Variants in BICD2 observed in about 807,000 individuals in gnomAD.
The protein encoded by BICD2 is BICD cargo adaptor 2.
BICD2 carries 25 observed loss-of-function variants against 72.9 expected under a neutral mutation model. The ratio of observed to expected loss-of-function variants is 0.34; its 90% confidence interval spans 0.25 to 0.48. The LOEUF (loss-of-function observed/expected upper bound fraction) is 0.48. BICD2 is among the 20% of genes least tolerant of loss of function. BICD2 has a pLI of 0.99. For synonymous variants in BICD2, 501 were observed against 516.1 expected (o/e 0.97, Z 0.40); for missense variants, 894 against 1,175.2 (o/e 0.76, Z 3.50).
Position 92,713,383 on chromosome 9 carries a change from T to G in BICD2, c.*1771A>C. On this transcript the variant is annotated 3_prime_UTR_variant, in exon 7 of 7. Coordinates refer to ENST00000356884, the MANE Select transcript of BICD2 (RefSeq NM_001003800.2). ...TTAGGTTGCCCTTCCTTCCTCCTTGTGGGCCACGAGAGGGAAGGGGAAGGG... is the reference window on the plus strand; with the variant it reads ...TTAGGTTGCCCTTCCTTCCTCCTTGGGGGCCACGAGAGGGAAGGGGAAGGG... 6.6e-7 allele frequency: 1 copy of G among 1,508,648 alleles called. No individual in the cohort carries two copies. Among genetic ancestry groups the G allele is most frequent in the Non-Finnish European group, 9.0e-7 (1 of 1,105,694 alleles). The allele number at this position is 1,508,648 out of a possible 1,614,324, so 93.5% of individuals were successfully genotyped here.
chr9:92,719,221 T>G lies in BICD2; in HGVS notation c.1424A>C (p.Glu475Ala). The change falls in exon 5 of 7, where the codon GAG becomes GCG. Residue 475 changes from glutamate to alanine, a missense_variant. Coordinates refer to ENST00000356884, the MANE Select transcript of BICD2 (RefSeq NM_001003800.2). ...CTCCGTGAGTGCCTGGCCCTCAGCC[T>G]CATAGCGGCCCTTCTCCTCGGCGTG... ...AQHAEEKGRYEAEGQALTEKV... is the reference protein window; with the variant it reads ...AQHAEEKGRYAAEGQALTEKV... 6.2e-7 allele frequency: 1 copy of G among 1,611,594 alleles called. No homozygotes were observed. Among genetic ancestry groups the G allele is most frequent in the Non-Finnish European group, 8.5e-7 (1 of 1,179,978 alleles).
chr9:92,713,464 GA>G lies in BICD2; in HGVS notation c.*1689del. ...TCCTCCTGGCAGCTACTCTACAGCT[GA>G]AAACGGGAGAAAAGAGAGCGTTAGA... On this transcript the variant is annotated 3_prime_UTR_variant, in exon 7 of 7. Transcript: ENST00000356884. 6.3e-7 allele frequency: 1 copy of G among 1,589,834 alleles called. No homozygotes were observed. Among genetic ancestry groups the G allele is most frequent in the Non-Finnish European group, 8.6e-7 (1 of 1,167,102 alleles).
intron 1 of BICD2, among the ~76,000 whole-genome samples, chr9:92,758,017 A>G (rs1434355970): frequency 6.6e-6 from 1 of 151,840 alleles, no homozygotes; most frequent in Non-Finnish European, 1.5e-5. Context: ...CAGTCTGACC[A>G]ACATGGTGAA....
Position 92,718,837 on chromosome 9 carries a change from C to T in BICD2, c.1808G>A (p.Gly603Glu). The T allele has an allele frequency of 1.9e-6, 3 of 1,609,848 alleles. No homozygotes were observed. Among genetic ancestry groups the T allele is most frequent in the Non-Finnish European group, 2.5e-6 (3 of 1,178,724 alleles). ...GGAGCCAGGCGAGGGGCTGCTGTCC[C>T]CCGTCCCACCATCTGCTCGGCCCGC... ...PEAGRADGGT[G>E]DSSPSPGSSL... The change falls in exon 5 of 7, where the codon GGG (glycine) becomes GAG (glutamate). Residue 603 changes from glycine (G) to glutamate (E), a missense_variant. By Grantham distance (98) the Gly-to-Glu change is moderately conservative. This residue lies in a region of BICD2 where 321 missense variants were observed against 443.9 expected (regional missense o/e 0.72). Transcript: ENST00000356884.
rs915409578 is a variant in BICD2, at chr9:92,757,706, C to CA, written c.240+6798dup. ...TGGGTGACAGAGTGAGACTCCATCTCAAAAAAAAAAAGAAAAGATTCTATT... is the reference window on the plus strand; with the variant it reads ...TGGGTGACAGAGTGAGACTCCATCTCAAAAAAAAAAAAGAAAAGATTCTATT... On this transcript the variant is annotated intron_variant, in intron 1 of 6. Transcript: ENST00000356884. 9.8e-3 allele frequency among the ~76,000 whole-genome samples: 1,302 copies of CA among 133,536 alleles called. 15 individuals carry two copies. The highest frequency in any genetic ancestry group is 0.03 in the African/African-American group (1,092 of 36,164). The allele number at this position is 133,536 out of a possible 152,430, so 87.6% of individuals were successfully genotyped here.
rs1035501584 is a variant in BICD2, at chr9:92,720,865, A to T, written c.607-110T>A. 3 of 1,173,622 alleles carry T rather than the reference A, an allele frequency of 2.6e-6. No individual in the cohort carries two copies. The highest frequency in any genetic ancestry group is 3.5e-6 in the Non-Finnish European group (3 of 850,032). The allele number at this position is 1,173,622 out of a possible 1,614,324, so 72.7% of individuals were successfully genotyped here. On this transcript the variant is annotated intron_variant, in intron 3 of 6. Transcript: ENST00000356884. The surrounding 1 kb of genome is among the most constrained non-coding windows in gnomAD (Gnocchi z 5.4). ...ACCAACTCCGGCCACTATGAAGCAA[A>T]AGATGAAGCGCCAGGTGAGGTGCCA... is the stretch of plus-strand genomic sequence containing the variant.
intron 2 of BICD2, among the ~76,000 whole-genome samples, chr9:92,724,182 C>G (rs535833641): frequency 2.0e-5 from 3 of 152,206 alleles, no homozygotes; most frequent in Admixed American, 6.5e-5. Context: ...GTCCATCTTG[C>G]GGGCCCCATA....
intron 1 of BICD2, among the ~76,000 whole-genome samples, chr9:92,762,108 A>T (rs1854385075): frequency 1.3e-5 from 2 of 152,230 alleles, no homozygotes; most frequent in African/African-American, 4.8e-5. Flanking sequence ...CTCCATTTGG[A>T]GCACAATTTA....
intron 1 of BICD2, among the ~76,000 whole-genome samples, chr9:92,729,786 C>T (rs1853643386): frequency 6.6e-6 from 1 of 152,264 alleles, no homozygotes; most frequent in Non-Finnish European, 1.5e-5. Context: ...GTACCACCCA[C>T]TCTGCCCAGT....
chr9:92,741,339 G>C (rs1401855998), intron 1 of BICD2, among the ~76,000 whole-genome samples: 2 of 152,164 alleles, frequency 1.3e-5, no homozygotes, highest in African/African-American at 4.8e-5. Context: ...CCTTGCCCAG[G>C]AACATAAAAC....
chr9:92,747,998 GCATATGTATGAATATGTATGC>G (rs1176193467), intron 1 of BICD2, among the ~76,000 whole-genome samples: 4 of 152,216 alleles, frequency 2.6e-5, no homozygotes, highest in African/African-American at 4.8e-5. Flanking sequence ...GAATATGGCT[GCATATGTATGAATATGTATGC>G]CATATGTATG....
At chr9:92,761,495 T>C (rs1162863436) in intron 1 of BICD2, among the ~76,000 whole-genome samples, 1 of 152,160 alleles carries the variant, frequency 6.6e-6, no homozygotes, top group Non-Finnish European at 1.5e-5. Context: ...CCAGACCTCC[T>C]CTCTGAGCCT....
At chr9:92,750,636 G>C (rs1854127314) in intron 1 of BICD2, among the ~76,000 whole-genome samples, 1 of 152,104 alleles carries the variant, frequency 6.6e-6, no homozygotes, top group Admixed American at 6.5e-5. Flanking sequence ...GTTGACGGGG[G>C]TGGATTTAAA....
intron 1 of BICD2, among the ~76,000 whole-genome samples, chr9:92,751,110 C>A (rs1854138717): frequency 6.7e-6 from 1 of 149,420 alleles, no homozygotes; most frequent in Non-Finnish European, 1.5e-5. Context: ...GAGGTTTCAC[C>A]ATGTTGGCCA....
rs1587665191 is a variant in BICD2 at position 92,714,320 on chromosome 9, T to G, written c.*834A>C. ...AAGGCCGGATAATTGGCTGCTGGGGTCACCCCAAGTACAAAAGGACGGGCT... is the reference window on the plus strand; with the variant it reads ...AAGGCCGGATAATTGGCTGCTGGGGGCACCCCAAGTACAAAAGGACGGGCT... On this transcript the variant is annotated 3_prime_UTR_variant, in exon 7 of 7. Coordinates refer to ENST00000356884, the MANE Select transcript of BICD2 (RefSeq NM_001003800.2). 1 of 985,280 alleles carries G rather than the reference T, an allele frequency of 1.0e-6. No individual in the cohort carries two copies. Among genetic ancestry groups the G allele is most frequent in the Non-Finnish European group, 1.2e-6 (1 of 829,936 alleles). The allele number at this position is 985,280 out of a possible 1,614,324, so 61.0% of individuals were successfully genotyped here. A position where few individuals can be genotyped will look rare whatever the true frequency, so the allele number is the denominator to read the frequency against.
At chr9:92,761,585 C>A (rs1307592998) in intron 1 of BICD2, among the ~76,000 whole-genome samples, 1 of 152,220 alleles carries the variant, frequency 6.6e-6, no homozygotes, top group Non-Finnish European at 1.5e-5. Flanking sequence ...GGGCACCTAG[C>A]CTTAGCCCAC....
chr9:92,711,631 A>G lies in BICD2; in HGVS notation c.*3523T>C, dbSNP rs1853197409. ...GCATATGACTTTAAAATAAAGACCAACATTCTGACACTAAGGTAATGCACA... is the reference window on the plus strand; with the variant it reads ...GCATATGACTTTAAAATAAAGACCAGCATTCTGACACTAAGGTAATGCACA... On this transcript the variant is annotated 3_prime_UTR_variant, in exon 7 of 7. Transcript: ENST00000356884. 2 of 152,640 alleles carry G rather than the reference A, an allele frequency of 1.3e-5. No homozygotes were observed. The highest frequency in any genetic ancestry group is 2.9e-5 in the Non-Finnish European group (2 of 68,034). 9.5% of individuals were successfully genotyped at this position (152,640 alleles called of 1,614,324 possible). A position where few individuals can be genotyped will look rare whatever the true frequency, so the allele number is the denominator to read the frequency against.
intron 1 of BICD2, among the ~76,000 whole-genome samples, chr9:92,735,472 G>A (rs541328021): frequency 1.6e-4 from 25 of 152,016 alleles, no homozygotes; most frequent in Admixed American, 5.9e-4. Context: ...GGAATAGCAC[G>A]AGCAATGACA....
chr9:92,762,098 C>T (rs151157933), intron 1 of BICD2, among the ~76,000 whole-genome samples: 68 of 152,326 alleles, frequency 4.5e-4, no homozygotes, highest in Non-Finnish European at 8.5e-4. Flanking sequence ...GTACAAGCAA[C>T]TCCATTTGGA....
Sources: allele counts gnomAD v4.1 joint callset (sites outside exome capture counted in the v4.1 genomes callset), GRCh38; gene constraint gnomAD v4.1.1; regional missense constraint gnomAD v4.1.1; non-coding constraint Gnocchi (gnomAD v3.1); transcripts MANE v1.5; gene names NCBI Gene and HGNC (gene_info 2026-07-23, HGNC 2026-07-21).